The following KIRREL3 variants were observed in gnomAD, a reference collection of about 807,000 sequenced individuals.
KIRREL3 encodes the protein kin of IRRE-like protein 3.
A neutral mutation model predicts 89.7 loss-of-function variants in KIRREL3; 36 were observed. That is an observed-to-expected ratio of 0.40 (90% CI 0.31 to 0.53). The LOEUF is 0.53. Among genes scored for constraint, KIRREL3 ranks in the 20% least tolerant of loss-of-function variants. KIRREL3 has a pLI of 0.49. For synonymous variants in KIRREL3, 445 were observed against 441.4 expected, an observed-to-expected ratio of 1.01 and a Z score of -0.10; for missense variants, 864 against 1,056.6, an observed-to-expected ratio of 0.82 and a Z score of 2.53.
At chr11:126,536,338 C>T (rs1565532237) in intron 2 of KIRREL3, among the ~76,000 whole-genome samples, 1 of 152,078 alleles carries the variant, frequency 6.6e-6, no homozygotes, top group Non-Finnish European at 1.5e-5. Context: ...TGGGATCTGA[C>T]TCAGAGGAGC....
In KIRREL3 at chr11:126,501,085, T is replaced by G. The variant is rs532520255; in HGVS notation, c.433+20230A>C. Among the ~76,000 whole-genome samples the G allele has an allele frequency of 1.3e-5, 2 of 152,230 alleles. No homozygotes were observed. Among genetic ancestry groups the G allele is most frequent in the Middle Eastern group, 6.8e-3 (2 of 294 alleles). On this transcript the variant is annotated intron_variant, in intron 4 of 16. Transcript: ENST00000525144. The surrounding 1 kb of genome is among the most constrained non-coding windows in gnomAD (Gnocchi z 5.8). ...GCCTCTCCCAGCCTCCTCCTCTGGG[T>G]TTCATTTCCTTGCTGTGAGCCTTGT...
rs1407452110 is a variant in KIRREL3 at position 126,516,607 on chromosome 11, G to A, written c.433+4708C>T. 6.6e-6 allele frequency among the ~76,000 whole-genome samples: 1 copy of A among 152,128 alleles called. No individual in the cohort carries two copies. Among genetic ancestry groups the A allele is most frequent in the Non-Finnish European group, 1.5e-5 (1 of 68,028 alleles). On this transcript the variant is annotated intron_variant, in intron 4 of 16. Coordinates refer to ENST00000525144, the MANE Select transcript of KIRREL3 (RefSeq NM_032531.4). This position sits in a 1 kb window ranked among gnomAD's most constrained non-coding sequence, Gnocchi z 4.9. ...TATAACAGGTGCTCAGTAAACATTT[G>A]TTGATCAAATCCTTGGTACCATTTC...
rs758605888 is a variant in KIRREL3, at chr11:126,710,357, C to A, written c.56-147445G>T. Among the ~76,000 whole-genome samples the A allele has an allele frequency of 6.6e-6, 1 of 152,154 alleles. No individual in the cohort carries two copies. The highest frequency in any genetic ancestry group is 1.5e-5 in the Non-Finnish European group (1 of 68,028). Reference sequence around the variant, plus strand: ...GCTCAGTGTGGCACCCCATTCTTCCCATTGAGCCCTCTCCTCTTCCTGTTG... The same window carrying A: ...GCTCAGTGTGGCACCCCATTCTTCCAATTGAGCCCTCTCCTCTTCCTGTTG... On this transcript the variant is annotated intron_variant, in intron 1 of 16. Transcript: ENST00000525144. This position sits in a 1 kb window ranked among gnomAD's most constrained non-coding sequence, Gnocchi z 4.2.
rs1021523853 is a variant in KIRREL3 at position 126,535,369 on chromosome 11, C to A, written c.134-8682G>T. Among the ~76,000 whole-genome samples, 42 of 152,314 alleles carry A rather than the reference C, an allele frequency of 2.8e-4. No individual in the cohort carries two copies. Among genetic ancestry groups the A allele is most frequent in the African/African-American group, 9.4e-4 (39 of 41,570 alleles). ...ATCACCATCTGGCTCCCAAAGTCCC[C>A]ACCAACTTCCAGTGAAACATTGAAA... On this transcript the variant is annotated intron_variant, in intron 2 of 16. Transcript: ENST00000525144. The surrounding 1 kb of genome is among the most constrained non-coding windows in gnomAD (Gnocchi z 4.5).
At position 126,903,282 on chromosome 11, in the gene KIRREL3, CT is replaced by C. The variant is rs564174790; in HGVS notation, c.55+97172del. ...GTTTAGGCACTCACATTTTTCTTTT[CT>C]TTTTTTTTTAAACTAATTTTTTCCT... is the stretch of plus-strand genomic sequence containing the variant. On this transcript the variant is annotated intron_variant, in intron 1 of 16. Coordinates refer to ENST00000525144, the MANE Select transcript of KIRREL3 (RefSeq NM_032531.4). The surrounding 1 kb of genome is among the most constrained non-coding windows in gnomAD (Gnocchi z 4.5). Among the ~76,000 whole-genome samples the C allele has an allele frequency of 3.7e-4, 55 of 148,698 alleles. 1 individual carries two copies. Among genetic ancestry groups the C allele is most frequent in the Non-Finnish European group, 1.8e-4 (12 of 66,888 alleles).
chr11:126,696,294 C>T lies in KIRREL3; in HGVS notation c.56-133382G>A, dbSNP rs939213669. Reference sequence around the variant, plus strand: ...AAAAAAAAGCCTGGATGGCCTAGTGCTTCCTTATTGCTTAATTAACCCTTC... The same window carrying T: ...AAAAAAAAGCCTGGATGGCCTAGTGTTTCCTTATTGCTTAATTAACCCTTC... On this transcript the variant is annotated intron_variant, in intron 1 of 16. Coordinates refer to ENST00000525144, the MANE Select transcript of KIRREL3 (RefSeq NM_032531.4). This position sits in a 1 kb window ranked among gnomAD's most constrained non-coding sequence, Gnocchi z 4.4. 1.3e-5 allele frequency among the ~76,000 whole-genome samples: 2 copies of T among 150,974 alleles called. No individual in the cohort carries two copies. Among genetic ancestry groups the T allele is most frequent in the African/African-American group, 4.9e-5 (2 of 40,990 alleles).
At position 126,531,012 on chromosome 11, in the gene KIRREL3, T is replaced by C. The variant is rs1387781524; in HGVS notation, c.134-4325A>G. Among the ~76,000 whole-genome samples the C allele has an allele frequency of 6.6e-6, 1 of 152,044 alleles. No homozygotes were observed. The highest frequency in any genetic ancestry group is 1.5e-5 in the Non-Finnish European group (1 of 68,000). On this transcript the variant is annotated intron_variant, in intron 2 of 16. Coordinates refer to ENST00000525144, the MANE Select transcript of KIRREL3 (RefSeq NM_032531.4). This position sits in a 1 kb window ranked among gnomAD's most constrained non-coding sequence, Gnocchi z 4.7. ...TGTCTGGTAATTTTTGTATTTTTAG[T>C]AGAGACAGGGTTTCACCATATTGGC...
At chr11:126,514,834 C>CAACAA (rs1394861503) in intron 4 of KIRREL3, among the ~76,000 whole-genome samples, 1 of 143,970 alleles carries the variant, frequency 6.9e-6, no homozygotes, top group African/African-American at 2.7e-5. Context: ...CAACACAACA[C>CAACAA]AACACAACAC....
chr11:126,865,724 T>C (rs1944897702), intron 1 of KIRREL3, among the ~76,000 whole-genome samples: 1 of 152,192 alleles, frequency 6.6e-6, no homozygotes, highest in Non-Finnish European at 1.5e-5. Flanking sequence ...ATTTAAGGAA[T>C]GAGAGCAGGG....
At position 126,778,045 on chromosome 11, in the gene KIRREL3, G is replaced by GAA. The variant is rs35604640; in HGVS notation, c.56-215135_56-215134dup. 4.6e-4 allele frequency among the ~76,000 whole-genome samples: 47 copies of GAA among 103,272 alleles called. No individual in the cohort carries two copies. The highest frequency in any genetic ancestry group is 6.5e-4 in the Non-Finnish European group (33 of 50,582). 67.8% of individuals were successfully genotyped at this position (103,272 alleles called of 152,430 possible). The stretch of plus-strand genomic sequence containing the variant: ...ATATGAGAAATACATGCTCATTGTA[G>GAA]AAAAAAAAAAAAAAAGAAAAACTAT... On this transcript the variant is annotated intron_variant, in intron 1 of 16. Coordinates refer to ENST00000525144, the MANE Select transcript of KIRREL3 (RefSeq NM_032531.4). The surrounding 1 kb of genome is among the most constrained non-coding windows in gnomAD (Gnocchi z 4.5).
rs752441147 is a variant in KIRREL3, at chr11:126,980,660, T to C, written c.55+19795A>G. On this transcript the variant is annotated intron_variant, in intron 1 of 16. Coordinates refer to ENST00000525144, the MANE Select transcript of KIRREL3 (RefSeq NM_032531.4). ...AGGCAATAGAGATTAAAACGTGTCATGACAAGAGAACTAATTGGTTATGGG... is the reference window on the plus strand; with the variant it reads ...AGGCAATAGAGATTAAAACGTGTCACGACAAGAGAACTAATTGGTTATGGG... Among the ~76,000 whole-genome samples, 24 of 152,246 alleles carry C rather than the reference T, an allele frequency of 1.6e-4. 1 individual carries two copies. In the South Asian group the frequency reaches 3.5e-3, roughly 22 times the overall value.
Position 126,898,363 on chromosome 11 carries a change from A to G in KIRREL3, c.55+102092T>C, listed in dbSNP as rs1361322966. On this transcript the variant is annotated intron_variant, in intron 1 of 16. Transcript: ENST00000525144. The surrounding 1 kb of genome is among the most constrained non-coding windows in gnomAD (Gnocchi z 4.9). Reference sequence around the variant, plus strand: ...TTTTAGAATATTCCTGGCAGTACTTAATGAAATTGTGCATGCATATATCCT... The same window carrying G: ...TTTTAGAATATTCCTGGCAGTACTTGATGAAATTGTGCATGCATATATCCT... Among the ~76,000 whole-genome samples the G allele has an allele frequency of 6.6e-6, 1 of 152,226 alleles. No homozygotes were observed. Among genetic ancestry groups the G allele is most frequent in the African/African-American group, 2.4e-5 (1 of 41,466 alleles).
At chr11:126,478,663 A>G (rs1203253753) in intron 4 of KIRREL3, among the ~76,000 whole-genome samples, 1 of 149,850 alleles carries the variant, frequency 6.7e-6, no homozygotes, top group Non-Finnish European at 1.5e-5. Context: ...GTGTATATGT[A>G]TATATGTATG....
Position 126,905,369 on chromosome 11 carries a change from C to T in KIRREL3, c.55+95086G>A, listed in dbSNP as rs530386506. Among the ~76,000 whole-genome samples, 1 of 152,266 alleles carries T rather than the reference C, an allele frequency of 6.6e-6. No homozygotes were observed. Among genetic ancestry groups the T allele is most frequent in the African/African-American group, 2.4e-5 (1 of 41,554 alleles). On this transcript the variant is annotated intron_variant, in intron 1 of 16. Coordinates refer to ENST00000525144, the MANE Select transcript of KIRREL3 (RefSeq NM_032531.4). This position sits in a 1 kb window ranked among gnomAD's most constrained non-coding sequence, Gnocchi z 5.0. ...CTAACCTTCAACTGCCTTCTTTTCT[C>T]ATTTACACAACGCTATCCTGGGGTA...
chr11:126,783,459 A>G lies in KIRREL3; in HGVS notation c.55+216996T>C, dbSNP rs965441203. Among the ~76,000 whole-genome samples the G allele has an allele frequency of 6.6e-5, 10 of 152,176 alleles. No homozygotes were observed. Among genetic ancestry groups the G allele is most frequent in the Admixed American group, 5.2e-4 (8 of 15,280 alleles). Reference sequence around the variant, plus strand: ...GGGTGTTAGGACTTCAACATATTATATTTGAGGAGGAGGACACAATCCAAC... The same window carrying G: ...GGGTGTTAGGACTTCAACATATTATGTTTGAGGAGGAGGACACAATCCAAC... On this transcript the variant is annotated intron_variant, in intron 1 of 16. Transcript: ENST00000525144. The surrounding 1 kb of genome is among the most constrained non-coding windows in gnomAD (Gnocchi z 4.3).
chr11:126,884,192 A>C (rs1421183745), intron 1 of KIRREL3, among the ~76,000 whole-genome samples: 1 of 152,206 alleles, frequency 6.6e-6, no homozygotes, highest in Non-Finnish European at 1.5e-5. Flanking sequence ...GCCTGGGTCC[A>C]CCCGCAGAAA....
At chr11:126,781,021 A>G (rs2134327749) in intron 1 of KIRREL3, among the ~76,000 whole-genome samples, 2 of 152,328 alleles carry the variant, frequency 1.3e-5, no homozygotes, top group South Asian at 4.1e-4. Context: ...CTGGGCTGAA[A>G]CAGAGGCAGG....
chr11:126,703,738 C>T lies in KIRREL3; in HGVS notation c.56-140826G>A, dbSNP rs993695860. 2.6e-5 allele frequency among the ~76,000 whole-genome samples: 4 copies of T among 152,182 alleles called. No individual in the cohort carries two copies. The highest frequency in any genetic ancestry group is 1.9e-4 in the East Asian group (1 of 5,192). On this transcript the variant is annotated intron_variant, in intron 1 of 16. Coordinates refer to ENST00000525144, the MANE Select transcript of KIRREL3 (RefSeq NM_032531.4). The surrounding 1 kb of genome is among the most constrained non-coding windows in gnomAD (Gnocchi z 4.6). ...CTCTGACTGCCTGGGCCAGTGTTTCCGTGCCAGAAACCCTGTCTCAGAGGG... is the reference window on the plus strand; with the variant it reads ...CTCTGACTGCCTGGGCCAGTGTTTCTGTGCCAGAAACCCTGTCTCAGAGGG...
intron 1 of KIRREL3, among the ~76,000 whole-genome samples, chr11:126,828,399 C>A (rs1424380161): frequency 6.6e-6 from 1 of 152,152 alleles, no homozygotes; most frequent in Non-Finnish European, 1.5e-5. Context: ...CTACATCAAG[C>A]CTTAGTCTCT....
Sources: gnomAD v4.1 joint callset for allele counts (sites outside exome capture counted in the v4.1 genomes callset) on GRCh38, gnomAD v4.1.1 for gene constraint, Gnocchi (gnomAD v3.1) non-coding constraint, MANE v1.5 for transcripts, NCBI Gene and HGNC (gene_info 2026-07-23, HGNC 2026-07-21) for gene names.